Variants in DENND1A observed in about 807,000 individuals in gnomAD.
DENND1A encodes DENN domain-containing protein 1A.
In DENND1A, 51 loss-of-function variants were observed where a neutral mutation model predicts 113.7. The observed-to-expected ratio is 0.45, with a 90% CI of 0.36 to 0.57. The LOEUF is 0.57. Ranked by LOEUF, DENND1A falls within the 20% of genes least tolerant of loss-of-function variation. The pLI, the probability that DENND1A is intolerant of heterozygous loss-of-function variation, is 0.00. For missense variants in DENND1A, 1,258 were observed against 1,395.9 expected, an observed-to-expected ratio of 0.90 and a Z score of 1.57; for synonymous variants, 565 against 570.8, an observed-to-expected ratio of 0.99 and a Z score of 0.14.
rs1246672488 is a variant in DENND1A at position 123,639,445 on chromosome 9, A to G, written c.619-8969T>C. On this transcript the variant is annotated intron_variant, in intron 9 of 23. Coordinates refer to ENST00000394215, the MANE Select transcript of DENND1A (RefSeq NM_001352964.2). The stretch of plus-strand genomic sequence containing the variant: ...CAGAATGAGCCTCCGTATCCCCCCA[A>G]CCCCCTACCAAAAAAAAAAAAAAAA... 6.6e-5 allele frequency among the ~76,000 whole-genome samples: 5 copies of G among 76,226 alleles called. No individual in the cohort carries two copies. In the South Asian group the frequency reaches 1.2e-3, roughly 18 times the overall value. 50.0% of individuals were successfully genotyped at this position (76,226 alleles called of 152,430 possible). A position where few individuals can be genotyped will look rare whatever the true frequency, so the allele number is the denominator to read the frequency against.
chr9:123,648,645 C>T (rs759189211), intron 9 of DENND1A, among the ~76,000 whole-genome samples: 2 of 152,096 alleles, frequency 1.3e-5, no homozygotes, highest in African/African-American at 2.4e-5. Context: ...TAAAAGTTCA[C>T]GATTTTAATA....
At chr9:123,665,939 A>C (rs2063474088) in intron 8 of DENND1A, among the ~76,000 whole-genome samples, 1 of 152,208 alleles carries the variant, frequency 6.6e-6, no homozygotes. Context: ...ATGCTAAGTG[A>C]AATAACTCAG....
chr9:123,418,729 G>A (rs1284299232), intron 19 of DENND1A, among the ~76,000 whole-genome samples: 2 of 152,232 alleles, frequency 1.3e-5, no homozygotes, highest in Admixed American at 6.5e-5. Flanking sequence ...ACTCACCAGC[G>A]CAAGGCTCCT....
chr9:123,757,604 A>G, intron 5 of DENND1A, 99 bp downstream of exon 5: 1 of 1,526,176 alleles, frequency 6.6e-7, no homozygotes, highest in African/African-American at 1.4e-5. Flanking sequence ...ACAGATAGGA[A>G]AATGAAATGA....
intron 8 of DENND1A, among the ~76,000 whole-genome samples, chr9:123,663,191 T>G (rs1372802571): frequency 5.9e-5 from 9 of 152,176 alleles, no homozygotes; most frequent in African/African-American, 2.2e-4. Flanking sequence ...TGAACACTTT[T>G]TAGAATACAT....
chr9:123,841,044 C>T (rs1392026373), intron 2 of DENND1A, among the ~76,000 whole-genome samples: 3 of 152,112 alleles, frequency 2.0e-5, no homozygotes, highest in Non-Finnish European at 4.4e-5. Context: ...AAGTCATCAC[C>T]TTTACTTAAA....
intron 5 of DENND1A, among the ~76,000 whole-genome samples, chr9:123,686,001 A>G (rs2064787557): frequency 6.6e-6 from 1 of 152,018 alleles, no homozygotes; most frequent in South Asian, 2.1e-4. Flanking sequence ...CTACTAGAAA[A>G]AAAAAAAACA....
intron 12 of DENND1A, among the ~76,000 whole-genome samples, chr9:123,569,135 C>T (rs1162644313): frequency 2.0e-5 from 3 of 152,154 alleles, no homozygotes; most frequent in Non-Finnish European, 4.4e-5. Context: ...CAAGTTAAAT[C>T]TTTGTTACGA....
At chr9:123,446,360 C>T (rs1440613021) in intron 18 of DENND1A, among the ~76,000 whole-genome samples, 2 of 152,156 alleles carry the variant, frequency 1.3e-5, no homozygotes, top group African/African-American at 4.8e-5. Flanking sequence ...AGACAGGGAG[C>T]TGACAGTTGT....
chr9:123,585,863 C>A (rs2059139206), intron 11 of DENND1A, among the ~76,000 whole-genome samples: 1 of 152,134 alleles, frequency 6.6e-6, no homozygotes, highest in Non-Finnish European at 1.5e-5. Flanking sequence ...TCTCTCACTC[C>A]CCCTAGGGCT....
chr9:123,574,489 T>C (rs1282160646), intron 12 of DENND1A, among the ~76,000 whole-genome samples: 1 of 152,218 alleles, frequency 6.6e-6, no homozygotes, highest in Non-Finnish European at 1.5e-5. Context: ...GTCAAAATTG[T>C]AAAGTTATTC....
At chr9:123,645,483 T>C (rs1459584330) in intron 9 of DENND1A, among the ~76,000 whole-genome samples, 1 of 152,006 alleles carries the variant, frequency 6.6e-6, no homozygotes, top group Admixed American at 6.6e-5. Context: ...AAGGCAACAA[T>C]TGGGAAACTT....
At chr9:123,497,813 C>CAAAAAAAAAAAAAAAAAAAAAAAA (rs755257150) in intron 13 of DENND1A, among the ~76,000 whole-genome samples, 1 of 101,766 alleles carries the variant, frequency 9.8e-6, no homozygotes, top group Non-Finnish European at 2.0e-5. Flanking sequence ...CTCTTCCATC[C>CAAAAAAAAAAAAAAAAAAAAAAAA]AAAAAAAAAA....
intron 2 of DENND1A, among the ~76,000 whole-genome samples, chr9:123,793,439 A>G (rs1179779149): frequency 1.3e-5 from 2 of 152,240 alleles, no homozygotes; most frequent in Admixed American, 1.3e-4. Context: ...TTAGGAAAAC[A>G]TTCAATCATT....
At chr9:123,534,175 A>G (rs1008389251) in intron 13 of DENND1A, among the ~76,000 whole-genome samples, 4 of 152,168 alleles carry the variant, frequency 2.6e-5, no homozygotes, top group African/African-American at 9.7e-5. Context: ...TCTTCCTCAC[A>G]TTGTCTTAAG....
intron 12 of DENND1A, among the ~76,000 whole-genome samples, chr9:123,561,055 C>T (rs753963816): frequency 1.3e-5 from 2 of 152,182 alleles, no homozygotes; most frequent in Non-Finnish European, 2.9e-5. Context: ...AAAATCCTTC[C>T]CCTCCCAGGG....
chr9:123,781,042 T>C (rs1287006374), intron 3 of DENND1A, among the ~76,000 whole-genome samples: 1 of 152,220 alleles, frequency 6.6e-6, no homozygotes, highest in Admixed American at 6.5e-5. Flanking sequence ...GAATCTTGAT[T>C]AGCATTCTGT....
intron 20 of DENND1A, among the ~76,000 whole-genome samples, chr9:123,404,545 C>A (rs2131360259): frequency 6.6e-6 from 1 of 151,942 alleles, no homozygotes; most frequent in Non-Finnish European, 1.5e-5. Flanking sequence ...AGCAGGCACA[C>A]ACTCCACCTC....
intron 1 of DENND1A, among the ~76,000 whole-genome samples, chr9:123,884,522 A>AC (rs935965339): frequency 6.6e-6 from 1 of 150,444 alleles, no homozygotes; most frequent in African/African-American, 2.5e-5. Context: ...TTTGCCTCCC[A>AC]CCCCCCATCT....
Sources: allele counts gnomAD v4.1 joint callset (sites outside exome capture counted in the v4.1 genomes callset), GRCh38; gene constraint gnomAD v4.1.1; transcripts MANE v1.5; gene names NCBI Gene and HGNC (gene_info 2026-07-23, HGNC 2026-07-21).